Variants in UNC13B observed in about 807,000 individuals in gnomAD.
UNC13B encodes the protein unc-13 homolog B, also known as protein unc-13 homolog B.
Under a neutral mutation model 211.0 loss-of-function variants are expected in UNC13B, and 144 were observed. The observed-to-expected ratio is 0.68, with a 90% CI of 0.60 to 0.78. The LOEUF (loss-of-function observed/expected upper bound fraction) is 0.78, where lower values mean the gene tolerates loss of function less well. UNC13B is among the 30% of genes least tolerant of loss of function. UNC13B has a pLI of 0.00. For missense variants in UNC13B, 1,777 were observed against 2,002.0 expected (o/e 0.89, Z 2.14); for synonymous variants, 709 against 725.8 (o/e 0.98, Z 0.37).
Position 35,301,737 on chromosome 9 carries a change from C to A in UNC13B, c.2333C>A (p.Pro778His), listed in dbSNP as rs1485902042. 2.5e-6 allele frequency: 1 copy of A among 398,730 alleles called. No homozygotes were observed. Among genetic ancestry groups the A allele is most frequent in the African/African-American group, 2.1e-5 (1 of 48,626 alleles). The allele number at this position is 398,730 out of a possible 1,614,324, so 24.7% of individuals were successfully genotyped here. Residue 778 changes from proline (P) to histidine (H), a missense_variant, in exon 9 of 40, where the codon CCT becomes CAT. Pro to His is a moderately conservative substitution (Grantham distance 77). Coordinates refer to ENST00000635942, the MANE Select transcript of UNC13B (RefSeq NM_001371189.2). ...KICAKDTPGH[P>H]CIAGSRTANK... ...TGTGCCAAAGATACTCCAGGACATCCTTGTATAGCTGGCAGTAGAACTGCA... is the reference window on the plus strand; with the variant it reads ...TGTGCCAAAGATACTCCAGGACATCATTGTATAGCTGGCAGTAGAACTGCA...
chr9:35,342,144 C>G, intron 11 of UNC13B: 1 of 985,420 alleles, frequency 1.0e-6, no homozygotes, highest in South Asian at 4.7e-5. Context: ...AGAATATTAG[C>G]TCCTTGGGTC....
intron 1 of UNC13B, among the ~76,000 whole-genome samples, chr9:35,201,597 C>A (rs566452234): frequency 8.7e-4 from 132 of 152,186 alleles, no homozygotes; most frequent in African/African-American, 3.0e-3. Context: ...TATCCTTTTC[C>A]TCTAGATTTT....
intron 7 of UNC13B, among the ~76,000 whole-genome samples, chr9:35,263,077 G>A (rs952333836): frequency 9.2e-5 from 14 of 151,878 alleles, no homozygotes; most frequent in South Asian, 6.2e-4. Flanking sequence ...CAGGTTTCTG[G>A]GAAGCAGTTT....
At chr9:35,331,933 A>G (rs1390919308) in intron 11 of UNC13B, among the ~76,000 whole-genome samples, 1 of 152,100 alleles carries the variant, frequency 6.6e-6, no homozygotes, top group African/African-American at 2.4e-5. Context: ...ACTCTATGGA[A>G]GGTAATGTGC....
chr9:35,179,168 T>A (rs1195847527), intron 1 of UNC13B, among the ~76,000 whole-genome samples: 2 of 152,154 alleles, frequency 1.3e-5, no homozygotes, highest in South Asian at 4.1e-4. Flanking sequence ...CTTTGGAACA[T>A]GAATAAAATC....
In UNC13B at chr9:35,390,597, A is replaced by C. The variant is rs1321007096; in HGVS notation, c.11223-32A>C. On this transcript the variant is annotated intron_variant, in intron 25 of 39. Transcript: ENST00000635942. ...AATCAAATCAAATGGCTCTTGCCTT[A>C]TTCTCTGACTGTGGTTTCTTCTGTC... 5.6e-6 allele frequency: 9 copies of C among 1,610,198 alleles called. 1 individual carries two copies. The South Asian group carries it at 9.9e-5, about 18-fold the overall frequency.
At chr9:35,218,906 C>A (rs567491834) in intron 1 of UNC13B, among the ~76,000 whole-genome samples, 1 of 151,926 alleles carries the variant, frequency 6.6e-6, no homozygotes, top group Non-Finnish European at 1.5e-5. Flanking sequence ...TGCACCACCA[C>A]GCCTGGCTAA....
Position 35,243,686 on chromosome 9 carries a change from A to G in UNC13B, c.468+322A>G, listed in dbSNP as rs1825928586. ...ATTTCTTTTGCTTCTACTGTCTCTC[A>G]GTTTTTTGGATATTATTCTTATTTG... On this transcript the variant is annotated intron_variant, in intron 6 of 39. Transcript: ENST00000635942. Among the ~76,000 whole-genome samples the G allele has an allele frequency of 3.3e-5, 5 of 152,130 alleles. No individual in the cohort carries two copies. The South Asian group carries it at 1.0e-3, about 32-fold the overall frequency.
At chr9:35,348,021 G>A (rs2132047374) in intron 11 of UNC13B, among the ~76,000 whole-genome samples, 1 of 152,298 alleles carries the variant, frequency 6.6e-6, no homozygotes, top group African/African-American at 2.4e-5. Context: ...CGGATCACCT[G>A]AGGTCGGGAG....
intron 7 of UNC13B, among the ~76,000 whole-genome samples, chr9:35,262,642 A>G (rs1030955282): frequency 1.7e-4 from 26 of 152,160 alleles, no homozygotes; most frequent in Admixed American, 1.1e-3. Flanking sequence ...ATAATAAAAA[A>G]AAATCTGGCC....
Position 35,390,644 on chromosome 9 carries a change from G to A in UNC13B, c.11238G>A (p.Leu3746=). Residue 3746 remains leucine, a synonymous_variant, in exon 26 of 40, where the codon TTG becomes TTA. Transcript: ENST00000635942. The stretch of plus-strand genomic sequence containing the variant: ...TGTCATCCAGGTTTCCTCAGGAGTT[G>A]AATGTGGGAAAAGTCAGCGCAGAAG... ...TPVLNQFPQE[L]NVGKVSAEVM... The A allele has an allele frequency of 1.2e-6, 2 of 1,614,030 alleles. No individual in the cohort carries two copies. The highest frequency in any genetic ancestry group is 1.7e-6 in the Non-Finnish European group (2 of 1,180,002).
rs371234354 is a variant in UNC13B, at chr9:35,390,810, TG to T, written c.11308+97del. 658 of 1,256,652 alleles carry T rather than the reference TG, an allele frequency of 5.2e-4. 4 individuals carry two copies. In the East Asian group the frequency reaches 0.014, roughly 26 times the overall value. 77.8% of individuals were successfully genotyped at this position (1,256,652 alleles called of 1,614,324 possible). A position where few individuals can be genotyped will look rare whatever the true frequency, so the allele number is the denominator to read the frequency against. ...CTTCTAGACAACTACAAGTTCTGGG[TG>T]AGTGGTATAGTGAGAAACTAAAGGA... On this transcript the variant is annotated intron_variant, in intron 26 of 39. Transcript: ENST00000635942.
At chr9:35,210,855 T>C (rs1283274523) in intron 1 of UNC13B, among the ~76,000 whole-genome samples, 2 of 152,160 alleles carry the variant, frequency 1.3e-5, no homozygotes, top group Non-Finnish European at 2.9e-5. Context: ...CTCTTGTTAG[T>C]GGTCATTGTT....
intron 7 of UNC13B, among the ~76,000 whole-genome samples, chr9:35,263,538 C>T (rs1286594660): frequency 6.6e-6 from 1 of 151,978 alleles, no homozygotes; most frequent in East Asian, 1.9e-4. Flanking sequence ...GAAAAAGATC[C>T]ATAAGAGGAC....
At chr9:35,258,106 G>GT (rs1827040791) in intron 6 of UNC13B, among the ~76,000 whole-genome samples, 1 of 152,172 alleles carries the variant, frequency 6.6e-6, no homozygotes, top group African/African-American at 2.4e-5. Context: ...GAGTTAATAA[G>GT]TAACTCATTC....
At chr9:35,233,021 T>G (rs1282925758) in intron 3 of UNC13B, among the ~76,000 whole-genome samples, 1 of 152,208 alleles carries the variant, frequency 6.6e-6, no homozygotes, top group Non-Finnish European at 1.5e-5. Flanking sequence ...TCTTTCTCAC[T>G]GGTTGCTTCT....
intron 7 of UNC13B, among the ~76,000 whole-genome samples, chr9:35,260,121 G>A (rs1827190935): frequency 6.6e-6 from 1 of 151,558 alleles, no homozygotes; most frequent in Non-Finnish European, 1.5e-5. Flanking sequence ...GAGGTGGGAG[G>A]ATGGCTTGAG....
At chr9:35,244,143 C>A (rs537096883) in intron 6 of UNC13B, among the ~76,000 whole-genome samples, 1 of 152,072 alleles carries the variant, frequency 6.6e-6, no homozygotes, top group South Asian at 2.1e-4. Context: ...CTTGGGAAAC[C>A]TTAGACATAG....
intron 5 of UNC13B, among the ~76,000 whole-genome samples, chr9:35,242,906 T>G (rs1043814034): frequency 1.3e-5 from 2 of 152,216 alleles, no homozygotes; most frequent in Non-Finnish European, 2.9e-5. Flanking sequence ...AACTTTTCTT[T>G]TAAGCTAATC....
Sources: allele counts gnomAD v4.1 joint callset (sites outside exome capture counted in the v4.1 genomes callset), GRCh38; gene constraint gnomAD v4.1.1; transcripts MANE v1.5; gene names NCBI Gene and HGNC (gene_info 2026-07-23, HGNC 2026-07-21).